The following RANBP3 variants were observed in gnomAD, a reference collection of about 807,000 sequenced individuals.
RANBP3 encodes the protein ran-binding protein 3.
RANBP3 carries 14 observed loss-of-function variants against 77.3 expected under a neutral mutation model. The ratio of observed to expected loss-of-function variants is 0.18; its 90% CI spans 0.12 to 0.28. RANBP3 has a LOEUF of 0.28. Among genes scored for constraint, RANBP3 ranks in the 10% least tolerant of loss-of-function variants. The pLI is 1.00. For synonymous variants in RANBP3, 315 were observed against 312.4 expected (o/e 1.01, Z -0.09); for missense variants, 586 against 752.3 (o/e 0.78, Z 2.59).
intron 3 of RANBP3, among the ~76,000 whole-genome samples, chr19:5,944,224 C>A (rs1215979415): frequency 6.6e-6 from 1 of 152,226 alleles, no homozygotes; most frequent in African/African-American, 2.4e-5. Context: ...GAGCTCAAGG[C>A]AGGCATGAAT....
chr19:5,923,798 G>C lies in RANBP3; in HGVS notation c.1099+14C>G, dbSNP rs1288520133. On this transcript the variant is annotated intron_variant, in intron 12 of 16. Transcript: ENST00000340578. Reference sequence around the variant, plus strand: ...CTACCATGAGCCCCATGCTGTGGTGGGACGCTAACATACCTTTCTCAGGGG... The same window carrying C: ...CTACCATGAGCCCCATGCTGTGGTGCGACGCTAACATACCTTTCTCAGGGG... The C allele has an allele frequency of 7.6e-6, 12 of 1,587,266 alleles. No homozygotes were observed. The highest frequency in any genetic ancestry group is 1.0e-5 in the Non-Finnish European group (12 of 1,155,704).
intron 2 of RANBP3, among the ~76,000 whole-genome samples, chr19:5,955,198 C>T (rs1249810515): frequency 2.0e-5 from 3 of 152,206 alleles, no homozygotes; most frequent in Non-Finnish European, 4.4e-5. Flanking sequence ...GTGGTGCGAT[C>T]TCAGCTCACT....
chr19:5,918,392 CT>C, intron 15 of RANBP3, 103 bp downstream of exon 15: 1 of 262,748 alleles, frequency 3.8e-6, no homozygotes. Context: ...ACTGAAGCCC[CT>C]CCCCCCTCCC....
At chr19:5,977,734 C>T (rs1162704039) in intron 1 of RANBP3, among the ~76,000 whole-genome samples, 3 of 152,212 alleles carry the variant, frequency 2.0e-5, no homozygotes, top group African/African-American at 7.2e-5. Context: ...CATCCGTGGC[C>T]GAAGCACTGG....
rs967494648 is a variant in RANBP3, at chr19:5,931,723, C to A, written c.566-192G>T. 1.2e-4 allele frequency among the ~76,000 whole-genome samples: 18 copies of A among 152,138 alleles called. No individual in the cohort carries two copies. In the East Asian group the frequency reaches 3.3e-3, roughly 28 times the overall value. On this transcript the variant is annotated intron_variant, in intron 7 of 16. Transcript: ENST00000340578. ...CAAAATTCTTGGATTTAAAAAAAAA[C>A]AAGAGAAACAAACAAAAAAGAGAAA...
rs774585887 is a variant in RANBP3 at position 5,923,818 on chromosome 19, C to G, written c.1093G>C (p.Glu365Gln). The change falls in exon 12 of 17, where the codon GAG becomes CAG. Residue 365 changes from glutamate (E) to glutamine (Q), a missense_variant. Glu to Gln is a conservative substitution (Grantham distance 29). Coordinates refer to ENST00000340578, the MANE Select transcript of RANBP3 (RefSeq NM_007322.3). ...SESSSQEATPEKESLAESAAA... is the reference protein window; with the variant it reads ...SESSSQEATPQKESLAESAAA... ...TGGTGGGACGCTAACATACCTTTCT[C>G]AGGGGTGGCCTCCTGGGACGAGGAC... The G allele has an allele frequency of 6.2e-7, 1 of 1,612,068 alleles. No homozygotes were observed.
At chr19:5,936,165 C>G (rs1386205934) in intron 5 of RANBP3, among the ~76,000 whole-genome samples, 1 of 152,218 alleles carries the variant, frequency 6.6e-6, no homozygotes, top group East Asian at 1.9e-4. Flanking sequence ...AGAAGGCAGC[C>G]TGGCTGGAGC....
intron 3 of RANBP3, among the ~76,000 whole-genome samples, chr19:5,945,596 T>C (rs1480231280): frequency 1.3e-5 from 2 of 152,214 alleles, no homozygotes; most frequent in Admixed American, 1.3e-4. Flanking sequence ...TCCTTACTGA[T>C]CTTGTCTAGA....
rs1441900690 is a variant in RANBP3, at chr19:5,916,576, G to C, written c.*1034C>G. 1 of 152,542 alleles carries C rather than the reference G, an allele frequency of 6.6e-6. No individual in the cohort carries two copies. The highest frequency in any genetic ancestry group is 1.5e-5 in the Non-Finnish European group (1 of 68,308). The allele number at this position is 152,542 out of a possible 1,614,324, so 9.4% of individuals were successfully genotyped here. ...TGTGAGACTGCCTGTTCTGGGACCA[G>C]CCCCTGGGCTCTTCCACCAAGATTT... is the stretch of plus-strand genomic sequence containing the variant. On this transcript the variant is annotated 3_prime_UTR_variant, in exon 17 of 17. Transcript: ENST00000340578.
chr19:5,944,646 G>T (rs1208214543), intron 3 of RANBP3, among the ~76,000 whole-genome samples: 1 of 152,204 alleles, frequency 6.6e-6, no homozygotes, highest in Non-Finnish European at 1.5e-5. Flanking sequence ...CCTGTAGGCT[G>T]GCTTTGGCCT....
At chr19:5,944,357 T>C (rs1476179070) in intron 3 of RANBP3, among the ~76,000 whole-genome samples, 3 of 152,208 alleles carry the variant, frequency 2.0e-5, no homozygotes, top group Non-Finnish European at 1.5e-5. Context: ...TGTCACCACC[T>C]TGTCATCCCT....
intron 1 of RANBP3, among the ~76,000 whole-genome samples, chr19:5,972,224 T>C (rs551004642): frequency 6.6e-6 from 1 of 152,326 alleles, no homozygotes; most frequent in South Asian, 2.1e-4. Flanking sequence ...CCATCTCCAA[T>C]GGTGCAGCCC....
chr19:5,965,946 A>G (rs2058462551), intron 1 of RANBP3: 1 of 152,220 alleles, frequency 6.6e-6, no homozygotes, highest in African/African-American at 2.4e-5. Context: ...GGAAACGGAT[A>G]ATCAGGTCAA....
chr19:5,957,840 G>A (rs1423230737), intron 2 of RANBP3, 78 bp downstream of exon 2: 3 of 1,534,422 alleles, frequency 2.0e-6, no homozygotes, highest in South Asian at 1.1e-5. Flanking sequence ...TTGGCAATGC[G>A]ACCTGGAAAA....
At chr19:5,961,940 G>A (rs1458907786) in intron 1 of RANBP3, among the ~76,000 whole-genome samples, 2 of 151,622 alleles carry the variant, frequency 1.3e-5, no homozygotes, top group East Asian at 2.0e-4. Context: ...CCAAGAGCGC[G>A]TGGTTCCCCT....
intron 5 of RANBP3, among the ~76,000 whole-genome samples, chr19:5,937,744 G>T (rs948982689): frequency 2.7e-5 from 4 of 147,260 alleles, no homozygotes; most frequent in Non-Finnish European, 6.0e-5. Flanking sequence ...ACCATGCCGC[G>T]TCGGGGCCTG....
intron 14 of RANBP3, 104 bp from the exon 15 acceptor site, chr19:5,918,742 G>A (rs1475846470): frequency 4.2e-5 from 59 of 1,419,636 alleles, no homozygotes; most frequent in South Asian, 4.0e-4. Context: ...ACATCACCGC[G>A]CAAAAGCCCA....
At position 5,960,402 on chromosome 19, in the gene RANBP3, C is replaced by T. The variant is rs560269522; in HGVS notation, c.23-2429G>A. On this transcript the variant is annotated intron_variant, in intron 1 of 16. Coordinates refer to ENST00000340578, the MANE Select transcript of RANBP3 (RefSeq NM_007322.3). ...AGACCTTGGACAGGCCTCAAAGTGA[C>T]GCTAAGATGCTTTCTTTCTCTTCAC... 2.2e-3 allele frequency among the ~76,000 whole-genome samples: 330 copies of T among 152,260 alleles called. 2 individuals carry two copies. The highest frequency in any genetic ancestry group is 2.6e-3 in the Non-Finnish European group (174 of 68,008).
chr19:5,929,704 C>T (rs976280431), intron 8 of RANBP3, among the ~76,000 whole-genome samples: 2 of 152,172 alleles, frequency 1.3e-5, no homozygotes, highest in Admixed American at 6.5e-5. Context: ...CTCACGTTCC[C>T]GATGAGCAGT....
Sources: gnomAD v4.1 joint callset for allele counts (sites outside exome capture counted in the v4.1 genomes callset) on GRCh38, gnomAD v4.1.1 for gene constraint, MANE v1.5 for transcripts, NCBI Gene and HGNC (gene_info 2026-07-23, HGNC 2026-07-21) for gene names.